The following SLC25A12 variants were observed in gnomAD, a reference collection of about 807,000 sequenced individuals.
SLC25A12 encodes solute carrier family 25 member 12.
A neutral mutation model predicts 83.3 loss-of-function variants in SLC25A12; 32 were observed. The observed-to-expected ratio is 0.38, with a 90% confidence interval of 0.29 to 0.52. The LOEUF (loss-of-function observed/expected upper bound fraction) is 0.52. Among genes scored for constraint, SLC25A12 ranks in the 20% least tolerant of loss-of-function variants. SLC25A12 has a pLI of 0.84. For synonymous variants in SLC25A12, 267 were observed against 291.1 expected (o/e 0.92, Z 0.84); for missense variants, 611 against 835.6 (o/e 0.73, Z 3.31).
At chr2:171,892,898 G>A (rs1183757336) in intron 2 of SLC25A12, among the ~76,000 whole-genome samples, 1 of 151,910 alleles carries the variant, frequency 6.6e-6, no homozygotes, top group Non-Finnish European at 1.5e-5. Context: ...AACTATACAA[G>A]AATGCCAATA....
rs770385116 is a variant in SLC25A12 at position 171,793,762 on chromosome 2, T to G, written c.1311A>C (p.Gly437=). The G allele has an allele frequency of 6.2e-7, 1 of 1,614,004 alleles. No individual in the cohort carries two copies. The highest frequency in any genetic ancestry group is 1.7e-5 in the Admixed American group (1 of 60,028). ...GGTTGGTAAAAATGACCTGAGAGCC[T>G]CCAGCCTGTAGGCAAGGGAGAAGAG... ...PAEVLAGGCA[G]GSQVIFTNPL... The change falls in exon 14 of 18, where the codon GGA becomes GGC. Residue 437 remains glycine (G), a synonymous_variant. Coordinates refer to ENST00000422440, the MANE Select transcript of SLC25A12 (RefSeq NM_003705.5).
At chr2:171,836,984 A>AC in intron 6 of SLC25A12, 137 bp downstream of exon 6, 1 of 767,762 alleles carries the variant, frequency 1.3e-6, no homozygotes, top group African/African-American at 1.7e-5. Flanking sequence ...ACACACACAC[A>AC]AACCTGTTTA....
At chr2:171,841,280 A>G (rs994480033) in intron 5 of SLC25A12, among the ~76,000 whole-genome samples, 23 of 152,286 alleles carry the variant, frequency 1.5e-4, no homozygotes, top group Admixed American at 1.4e-3. Flanking sequence ...GGGTTTCACC[A>G]TGTTGGCCAG....
intron 2 of SLC25A12, among the ~76,000 whole-genome samples, chr2:171,877,517 T>C (rs1277435276): frequency 1.3e-5 from 2 of 151,722 alleles, no homozygotes; most frequent in Non-Finnish European, 2.9e-5. Context: ...ATACAAAAAT[T>C]AGCCAGGCCT....
At chr2:171,798,478 A>C (rs1369143537) in intron 13 of SLC25A12, among the ~76,000 whole-genome samples, 1 of 152,182 alleles carries the variant, frequency 6.6e-6, no homozygotes, top group Non-Finnish European at 1.5e-5. Context: ...AATCTAAGCA[A>C]CTCATTATAA....
At chr2:171,840,778 T>G (rs900706362) in intron 5 of SLC25A12, among the ~76,000 whole-genome samples, 1 of 151,992 alleles carries the variant, frequency 6.6e-6, no homozygotes, top group African/African-American at 2.4e-5. Flanking sequence ...AGTTTCCAGA[T>G]TAGAAAAGCC....
At chr2:171,853,301 G>A (rs976216916) in intron 4 of SLC25A12, among the ~76,000 whole-genome samples, 1 of 152,190 alleles carries the variant, frequency 6.6e-6, no homozygotes, top group African/African-American at 2.4e-5. Flanking sequence ...AACTAAAACT[G>A]GTTTGTGTTT....
intron 13 of SLC25A12, among the ~76,000 whole-genome samples, chr2:171,805,662 T>C (rs1258514778): frequency 1.1e-4 from 16 of 152,240 alleles, no homozygotes; most frequent in Admixed American, 1.0e-3. Context: ...GTAAGAAAGG[T>C]ATCTATTCCT....
At chr2:171,819,095 T>C (rs1238413355) in intron 9 of SLC25A12, among the ~76,000 whole-genome samples, 3 of 142,732 alleles carry the variant, frequency 2.1e-5, no homozygotes, top group African/African-American at 7.7e-5. Context: ...AGGAAAAATA[T>C]ATATATACAT....
At chr2:171,829,805 G>A (rs562308078) in intron 8 of SLC25A12, among the ~76,000 whole-genome samples, 1 of 152,306 alleles carries the variant, frequency 6.6e-6, no homozygotes, top group South Asian at 2.1e-4. Context: ...GAATCTTTGA[G>A]GCCACTTGCC....
intron 2 of SLC25A12, among the ~76,000 whole-genome samples, chr2:171,880,378 G>T (rs936512278): frequency 3.3e-5 from 5 of 152,130 alleles, no homozygotes; most frequent in Non-Finnish European, 5.9e-5. Context: ...CACCTCCCAG[G>T]TTCAAGTGAT....
intron 2 of SLC25A12, among the ~76,000 whole-genome samples, chr2:171,870,620 C>CA (rs1008128871): frequency 1.2e-4 from 18 of 148,036 alleles, no homozygotes; most frequent in East Asian, 5.9e-4. Flanking sequence ...GACCCTGTTT[C>CA]AAAAAAAAAT....
chr2:171,796,471 G>A (rs1456924363), intron 13 of SLC25A12, among the ~76,000 whole-genome samples: 1 of 152,012 alleles, frequency 6.6e-6, no homozygotes, highest in African/African-American at 2.4e-5. Flanking sequence ...TTTGAAGGAG[G>A]AAAACTTCTG....
chr2:171,839,183 C>T (rs1254335644), intron 5 of SLC25A12, among the ~76,000 whole-genome samples: 2 of 152,098 alleles, frequency 1.3e-5, no homozygotes, highest in African/African-American at 4.8e-5. Context: ...AAAGTCAGCT[C>T]TCAAATGCAT....
Position 171,787,824 on chromosome 2 carries a change from T to A in SLC25A12, c.1709A>T (p.Glu570Val), listed in dbSNP as rs1690516815. ...TTTCCAAAATGCTGAGGGCCCTTCT[T>A]CCCGGAGAATCTTCCTGAAACAGTC... ...VIDCFRKILR[E>V]EGPSAFWKGT... The change falls in exon 16 of 18, where the codon GAA becomes GTA. Residue 570 changes from glutamate (E) to valine (V), a missense_variant. Coordinates refer to ENST00000422440, the MANE Select transcript of SLC25A12 (RefSeq NM_003705.5). 11 of 1,614,154 alleles carry A rather than the reference T, an allele frequency of 6.8e-6. No homozygotes were observed. Among genetic ancestry groups the A allele is most frequent in the Non-Finnish European group, 9.3e-6 (11 of 1,180,022 alleles).
At chr2:171,816,209 G>A (rs1209479372) in intron 9 of SLC25A12, among the ~76,000 whole-genome samples, 1 of 151,856 alleles carries the variant, frequency 6.6e-6, no homozygotes, top group African/African-American at 2.4e-5. Flanking sequence ...AGGACTACAG[G>A]TGCATGCCAC....
intron 17 of SLC25A12, 75 bp downstream of exon 17, chr2:171,787,496 T>C: frequency 8.6e-7 from 1 of 1,161,432 alleles, no homozygotes; most frequent in Non-Finnish European, 1.3e-6. Context: ...GTTGCAACAA[T>C]GCTTTTGTAG....
At position 171,831,985 on chromosome 2, in the gene SLC25A12, A is replaced by G. The variant is rs1684441535; in HGVS notation, c.845+1978T>C. 2.0e-5 allele frequency among the ~76,000 whole-genome samples: 3 copies of G among 152,132 alleles called. No individual in the cohort carries two copies. The South Asian group carries it at 6.2e-4, about 32-fold the overall frequency. On this transcript the variant is annotated intron_variant, in intron 8 of 17. Coordinates refer to ENST00000422440, the MANE Select transcript of SLC25A12 (RefSeq NM_003705.5). ...AAGTGTTGTGTGTGTGATGTTATAT[A>G]AAGGAGCTCTAATTAATTGGCTTAA...
At chr2:171,809,840 G>A (rs946863721) in intron 12 of SLC25A12, among the ~76,000 whole-genome samples, 154 bp from the exon 13 acceptor site, 3 of 152,076 alleles carry the variant, frequency 2.0e-5, no homozygotes, top group Non-Finnish European at 2.9e-5. Context: ...CAAATTCTGC[G>A]ACAGTGTGCC....
Sources: gnomAD v4.1 joint callset for allele counts (sites outside exome capture counted in the v4.1 genomes callset) on GRCh38, gnomAD v4.1.1 for gene constraint, MANE v1.5 for transcripts, NCBI Gene and HGNC (gene_info 2026-07-23, HGNC 2026-07-21) for gene names.